FSTL4: variants seen among roughly 807,000 people sequenced by gnomAD.
The protein encoded by FSTL4 is follistatin-related protein 4.
In FSTL4, 28 loss-of-function variants were observed where a neutral mutation model predicts 78.2. The observed-to-expected ratio is 0.36, with a 90% CI of 0.27 to 0.49. The LOEUF (loss-of-function observed/expected upper bound fraction) is 0.49, where lower values mean the gene tolerates loss of function less well. FSTL4 is among the 20% of genes least tolerant of loss of function. The pLI is 0.98. For missense variants in FSTL4, 922 were observed against 1,084.9 expected (o/e 0.85, Z 2.11); for synonymous variants, 422 against 440.5 (o/e 0.96, Z 0.53).
At chr5:133,542,911 T>G (rs1759506334) in intron 3 of FSTL4, among the ~76,000 whole-genome samples, 1 of 151,698 alleles carries the variant, frequency 6.6e-6, no homozygotes, top group South Asian at 2.1e-4. Context: ...TTGTTGAACC[T>G]TTCTGTTGTA....
chr5:133,275,326 G>A (rs1378112720), intron 6 of FSTL4, among the ~76,000 whole-genome samples: 4 of 152,190 alleles, frequency 2.6e-5, no homozygotes, highest in Admixed American at 6.5e-5. Flanking sequence ...TTGGGAGGCC[G>A]AGACAGGCAG....
chr5:133,350,124 C>T (rs965937289), intron 4 of FSTL4, among the ~76,000 whole-genome samples: 19 of 131,766 alleles, frequency 1.4e-4, no homozygotes, highest in Non-Finnish European at 2.5e-4. Context: ...TGCTGCCATG[C>T]GACTGTAAAG....
At chr5:133,304,793 T>C (rs2126881165) in intron 6 of FSTL4, among the ~76,000 whole-genome samples, 1 of 152,270 alleles carries the variant, frequency 6.6e-6, no homozygotes, top group East Asian at 1.9e-4. Flanking sequence ...CCAGCAATCA[T>C]CAGTTCTGGT....
chr5:133,805,291 G>A, the FSTL4 span, among the ~76,000 whole-genome samples: 3 of 152,010 alleles, frequency 2.0e-5, no homozygotes, highest in East Asian at 1.9e-4. Flanking sequence ...AACCCCATGC[G>A]CTATTACCCG....
the FSTL4 span, among the ~76,000 whole-genome samples, chr5:133,737,237 C>T: frequency 6.6e-6 from 1 of 151,878 alleles, no homozygotes; most frequent in Non-Finnish European, 1.5e-5. Context: ...TTAACCCTCC[C>T]CACCTCCCCT....
chr5:133,325,807 C>T (rs982218963), intron 4 of FSTL4, among the ~76,000 whole-genome samples: 2 of 152,178 alleles, frequency 1.3e-5, no homozygotes, highest in African/African-American at 4.8e-5. Flanking sequence ...CCCAGAGAGG[C>T]CCAGGGGAGA....
At chr5:133,518,190 C>G in intron 3 of FSTL4, among the ~76,000 whole-genome samples, 1 of 152,044 alleles carries the variant, frequency 6.6e-6, no homozygotes, top group East Asian at 1.9e-4. Context: ...GTTTATCAGG[C>G]CTACCATAAA....
the FSTL4 span, among the ~76,000 whole-genome samples, chr5:133,676,354 CA>C: frequency 6.6e-6 from 1 of 152,186 alleles, no homozygotes; most frequent in Non-Finnish European, 1.5e-5. Context: ...GGAGAAAACT[CA>C]TAACAATACC....
intron 3 of FSTL4, among the ~76,000 whole-genome samples, chr5:133,535,662 G>C (rs989640731): frequency 1.3e-5 from 2 of 152,144 alleles, no homozygotes; most frequent in African/African-American, 4.8e-5. Flanking sequence ...CTATATTTCT[G>C]TGTGTGTGTC....
intron 4 of FSTL4, among the ~76,000 whole-genome samples, chr5:133,387,066 G>A (rs1050880286): frequency 6.6e-6 from 1 of 152,204 alleles, no homozygotes; most frequent in Non-Finnish European, 1.5e-5. Context: ...TGGTGGAGGA[G>A]GAAGGAATGC....
chr5:133,468,782 C>T (rs1382432185), intron 3 of FSTL4, among the ~76,000 whole-genome samples: 3 of 152,162 alleles, frequency 2.0e-5, no homozygotes, highest in African/African-American at 7.2e-5. Flanking sequence ...CAGCTATGAC[C>T]AAGCTCACCT....
At chr5:133,686,551 G>GT in the FSTL4 span, among the ~76,000 whole-genome samples, 1 of 152,196 alleles carries the variant, frequency 6.6e-6, no homozygotes, top group East Asian at 1.9e-4. Context: ...CATTAACACA[G>GT]CATGGATAAC....
chr5:133,225,851 A>C lies in FSTL4; in HGVS notation c.1016-32T>G, dbSNP rs1307613094. 2 of 1,501,122 alleles carry C rather than the reference A, an allele frequency of 1.3e-6. No individual in the cohort carries two copies. The highest frequency in any genetic ancestry group is 1.8e-6 in the Non-Finnish European group (2 of 1,127,534). 93.0% of individuals were successfully genotyped at this position (1,501,122 alleles called of 1,614,324 possible). A position where few individuals can be genotyped will look rare whatever the true frequency, so the allele number is the denominator to read the frequency against. ...GTGAGAGTCAGTGCTGGTGAGAAAG[A>C]GACGGCCCTGACCTGGACTTGGGCC... On this transcript the variant is annotated intron_variant, in intron 8 of 15. Coordinates refer to ENST00000265342, the MANE Select transcript of FSTL4 (RefSeq NM_015082.2). The surrounding 1 kb of genome is among the most constrained non-coding windows in gnomAD (Gnocchi z 4.6).
chr5:133,825,535 C>T, the FSTL4 span, among the ~76,000 whole-genome samples: 3 of 152,254 alleles, frequency 2.0e-5, no homozygotes, highest in Non-Finnish European at 4.4e-5. Context: ...TAGTTTTAAT[C>T]TCTCATCAGT....
At chr5:133,717,936 G>C in the FSTL4 span, among the ~76,000 whole-genome samples, 1 of 152,188 alleles carries the variant, frequency 6.6e-6, no homozygotes, top group Non-Finnish European at 1.5e-5. Context: ...TAAATACCTA[G>C]AAGTGAAATT....
the FSTL4 span, among the ~76,000 whole-genome samples, chr5:133,725,981 AG>A: frequency 6.6e-6 from 1 of 152,208 alleles, no homozygotes; most frequent in Non-Finnish European, 1.5e-5. Context: ...TGTGGTCTGA[AG>A]AGTGCCAGAG....
At chr5:133,229,517 T>A (rs1395559036) in intron 8 of FSTL4, among the ~76,000 whole-genome samples, 1 of 151,320 alleles carries the variant, frequency 6.6e-6, no homozygotes, top group Non-Finnish European at 1.5e-5. Context: ...AGGGAGACCT[T>A]GTCTTAAAAA....
intron 3 of FSTL4, among the ~76,000 whole-genome samples, chr5:133,527,658 G>A (rs555509652): frequency 6.6e-6 from 1 of 152,360 alleles, no homozygotes; most frequent in East Asian, 1.9e-4. Context: ...AGTAGCAAGA[G>A]TCATTCACAT....
At chr5:133,524,038 C>A (rs1011405208) in intron 3 of FSTL4, among the ~76,000 whole-genome samples, 1 of 152,126 alleles carries the variant, frequency 6.6e-6, no homozygotes, top group Non-Finnish European at 1.5e-5. Flanking sequence ...TGGGAGACAC[C>A]AGATGAGACA....
Sources: gnomAD v4.1 joint callset for allele counts (sites outside exome capture counted in the v4.1 genomes callset) on GRCh38, gnomAD v4.1.1 for gene constraint, Gnocchi (gnomAD v3.1) non-coding constraint, MANE v1.5 for transcripts, NCBI Gene and HGNC (gene_info 2026-07-23, HGNC 2026-07-21) for gene names.